PZP: variants seen among roughly 807,000 people sequenced by gnomAD.
PZP encodes pregnancy zone protein.
A neutral mutation model predicts 179.8 loss-of-function variants in PZP; 150 were observed. The ratio of observed to expected loss-of-function variants is 0.83; its 90% CI spans 0.73 to 0.96. PZP has a LOEUF of 0.96. Ranked by LOEUF, PZP falls within the 40% of genes least tolerant of loss-of-function variation. The pLI is 0.00. For missense variants in PZP, 1,689 were observed against 1,764.0 expected, an observed-to-expected ratio of 0.96 and a Z score of 0.76; for synonymous variants, 624 against 652.3, an observed-to-expected ratio of 0.96 and a Z score of 0.66.
At chr12:9,140,784 G>C in the PZP span, among the ~76,000 whole-genome samples, 1 of 152,142 alleles carries the variant, frequency 6.6e-6, no homozygotes, top group South Asian at 2.1e-4. Flanking sequence ...CCACAGGTCA[G>C]AAACCCTGTA....
intron 33 of PZP, 91 bp downstream of exon 33, chr12:9,151,513 G>T: frequency 9.4e-7 from 1 of 1,065,916 alleles, no homozygotes; most frequent in Non-Finnish European, 1.4e-6. Flanking sequence ...ACTAATGATT[G>T]TTTTCCTCAT....
At chr12:9,160,686 G>A (rs746856777) in intron 23 of PZP, among the ~76,000 whole-genome samples, 196 bp from the exon 24 acceptor site, 10 of 152,188 alleles carry the variant, frequency 6.6e-5, no homozygotes, top group Middle Eastern at 3.4e-3. Context: ...AGGCCGAGGC[G>A]GGCGGATCAT....
At chr12:9,138,363 G>A in the PZP span, among the ~76,000 whole-genome samples, 102 of 151,878 alleles carry the variant, frequency 6.7e-4, 1 homozygote, top group East Asian at 0.016. Context: ...ATACTACTTG[G>A]TCATGATGTA....
chr12:9,169,331 G>A, intron 16 of PZP, 99 bp downstream of exon 16: 1 of 1,178,698 alleles, frequency 8.5e-7, no homozygotes. Flanking sequence ...AAATGGAGAG[G>A]CAAGGCTACA....
chr12:9,141,403 T>A, the PZP span, among the ~76,000 whole-genome samples: 1 of 152,248 alleles, frequency 6.6e-6, no homozygotes, highest in African/African-American at 2.4e-5. Context: ...ATTTTAATGT[T>A]TGACCATAAG....
At chr12:9,143,057 A>T in the PZP span, among the ~76,000 whole-genome samples, 1 of 152,228 alleles carries the variant, frequency 6.6e-6, no homozygotes, top group African/African-American at 2.4e-5. Context: ...GAATATACTC[A>T]TAGCTTGGAC....
In PZP at chr12:9,200,458, G is replaced by C. The variant is rs995719289; in HGVS notation, c.671-10C>G. ...TCAAACTTGGGAAGCACTGTTAATA[G>C]AGATAATAGGAATAAGGAAGGTTGG... On this transcript the variant is annotated splice_polypyrimidine_tract_variant and intron_variant, in intron 6 of 35. Coordinates refer to ENST00000261336, the MANE Select transcript of PZP (RefSeq NM_002864.3). 1 of 1,575,644 alleles carries C rather than the reference G, an allele frequency of 6.3e-7. No individual in the cohort carries two copies.
At chr12:9,204,113 A>G (rs1264973691) in intron 1 of PZP, among the ~76,000 whole-genome samples, 162 bp from the exon 2 acceptor site, 1 of 152,186 alleles carries the variant, frequency 6.6e-6, no homozygotes, top group Non-Finnish European at 1.5e-5. Flanking sequence ...TCAGCACAAA[A>G]ATTTTATCTT....
chr12:9,164,325 T>G, intron 19 of PZP, 66 bp from the exon 20 acceptor site: 1 of 1,510,980 alleles, frequency 6.6e-7, no homozygotes, highest in Non-Finnish European at 9.0e-7. Context: ...CACATAGAAT[T>G]GGGGCCAAGT....
At chr12:9,197,977 A>G (rs1478487198) in intron 7 of PZP, among the ~76,000 whole-genome samples, 2 of 134,870 alleles carry the variant, frequency 1.5e-5, no homozygotes, top group Non-Finnish European at 3.1e-5. Context: ...ATATATTAAT[A>G]TATATTATAT....
rs747348687 is a variant in PZP at position 9,151,686 on chromosome 12, G to T, written c.4213-14C>A. The T allele has an allele frequency of 5.0e-6, 8 of 1,609,440 alleles. No individual in the cohort carries two copies. In the South Asian group the frequency reaches 8.8e-5, roughly 18 times the overall value. ...AGATCTTTCAAGCTGGAGAGAATTAGAAAACTTCAGTTAAAGTTAGAGAAC... is the reference window on the plus strand; with the variant it reads ...AGATCTTTCAAGCTGGAGAGAATTATAAAACTTCAGTTAAAGTTAGAGAAC... On this transcript the variant is annotated splice_polypyrimidine_tract_variant and intron_variant, in intron 32 of 35. Transcript: ENST00000261336.
chr12:9,149,317 C>T (rs774908079), intron 35 of PZP, among the ~76,000 whole-genome samples: 4 of 152,176 alleles, frequency 2.6e-5, no homozygotes, highest in East Asian at 1.9e-4. Context: ...AGTGAAATGT[C>T]GCTTTTAGAG....
At chr12:9,146,110 TTTTC>T (rs1380923464), downstream of PZP, among the ~76,000 whole-genome samples, 1 of 152,138 alleles carries the variant, frequency 6.6e-6, no homozygotes, top group African/African-American at 2.4e-5. Context: ...TGAATAAGTT[TTTTC>T]TTTCTTTCTC....
downstream of PZP, chr12:9,148,754 C>A (rs1940140967): frequency 4.0e-6 from 2 of 494,224 alleles, no homozygotes; most frequent in African/African-American, 4.0e-5. Flanking sequence ...AGAATCCAAC[C>A]TTTGCACCAA....
chr12:9,182,192 A>C (rs928560317), intron 13 of PZP, 75 bp from the exon 14 acceptor site: 3 of 1,446,486 alleles, frequency 2.1e-6, no homozygotes, highest in Non-Finnish European at 2.8e-6. Flanking sequence ...TCATAAGGAC[A>C]CTATTGCTTG....
intron 13 of PZP, among the ~76,000 whole-genome samples, chr12:9,188,802 T>C (rs549384218): frequency 9.2e-5 from 14 of 152,182 alleles, no homozygotes; most frequent in African/African-American, 3.1e-4. Flanking sequence ...ATAAAATACC[T>C]AGAAATATAG....
chr12:9,149,655 C>G, intron 34 of PZP, 53 bp from the exon 35 acceptor site: 1 of 1,571,114 alleles, frequency 6.4e-7, no homozygotes, highest in East Asian at 2.2e-5. Context: ...GAACTAGGGA[C>G]CATGCTAAAT....
intron 13 of PZP, among the ~76,000 whole-genome samples, chr12:9,189,277 C>T (rs957591838): frequency 6.6e-6 from 1 of 152,206 alleles, no homozygotes; most frequent in Non-Finnish European, 1.5e-5. Context: ...ACCAAAACAG[C>T]ATAGTACTTG....
intron 27 of PZP, 151 bp from the exon 28 acceptor site, chr12:9,157,506 T>A: frequency 1.2e-6 from 1 of 835,076 alleles, no homozygotes; most frequent in African/African-American, 1.7e-5. Context: ...GAAAAATATT[T>A]CGATCTCTTC....
Sources: allele counts gnomAD v4.1 joint callset (sites outside exome capture counted in the v4.1 genomes callset), GRCh38; gene constraint gnomAD v4.1.1; transcripts MANE v1.5; gene names NCBI Gene and HGNC (gene_info 2026-07-23, HGNC 2026-07-21).